The following CELF2 variants were observed in gnomAD, a reference collection of about 807,000 sequenced individuals.
CELF2 encodes CUG triplet repeat RNA-binding protein 2.
In CELF2, 8 loss-of-function variants were observed where a neutral mutation model predicts 62.6. The observed-to-expected ratio is 0.13, with a 90% CI of 0.07 to 0.23. The LOEUF is 0.23. CELF2 is among the 10% of genes least tolerant of loss of function. The pLI is 1.00. For synonymous variants in CELF2, 258 were observed against 250.0 expected (o/e 1.03, Z -0.30); for missense variants, 333 against 671.0 (o/e 0.50, Z 5.56).
intron 2 of CELF2, chr10:10,970,689 G>A (rs1302041718): frequency 6.6e-6 from 1 of 152,080 alleles, no homozygotes; most frequent in Non-Finnish European, 1.5e-5. Context: ...TCCAGATCCT[G>A]GTCTTGTAGA....
chr10:11,147,819 A>C (rs931309256), intron 1 of CELF2, among the ~76,000 whole-genome samples: 1 of 152,214 alleles, frequency 6.6e-6, no homozygotes, highest in South Asian at 2.1e-4. Flanking sequence ...TCACTTGCAA[A>C]TCCATTTTTG....
At chr10:11,254,348 C>CA (rs1466601745) in intron 4 of CELF2, among the ~76,000 whole-genome samples, 1 of 152,226 alleles carries the variant, frequency 6.6e-6, no homozygotes, top group East Asian at 1.9e-4. Flanking sequence ...TGCACACGCA[C>CA]AGGTGCGCTC....
intron 1 of CELF2, among the ~76,000 whole-genome samples, chr10:11,121,607 G>A (rs941922782): frequency 2.6e-5 from 4 of 152,152 alleles, no homozygotes; most frequent in South Asian, 4.1e-4. Context: ...AAATAGCGAC[G>A]CAGACGTTAG....
chr10:10,582,091 T>C, the CELF2 span, among the ~76,000 whole-genome samples: 1 of 152,180 alleles, frequency 6.6e-6, no homozygotes, highest in East Asian at 1.9e-4. Flanking sequence ...ATTTCCAAGA[T>C]GTCCTTGTTC....
intron 1 of CELF2, among the ~76,000 whole-genome samples, chr10:10,836,313 G>A (rs1207637060): frequency 2.0e-5 from 3 of 152,132 alleles, no homozygotes; most frequent in African/African-American, 4.8e-5. Flanking sequence ...GAGAGAGAAG[G>A]GGAAGATCCA....
intron 2 of CELF2, among the ~76,000 whole-genome samples, chr10:11,182,777 T>C (rs2073826136): frequency 6.6e-6 from 1 of 152,228 alleles, no homozygotes; most frequent in African/African-American, 2.4e-5. Flanking sequence ...CCCTGTTGTG[T>C]TAATGGAACA....
At chr10:10,566,329 G>T in the CELF2 span, among the ~76,000 whole-genome samples, 1 of 151,342 alleles carries the variant, frequency 6.6e-6, no homozygotes, top group African/African-American at 2.4e-5. Context: ...TAGTGTCCCA[G>T]TTGCCAGTGA....
At chr10:11,119,964 A>G (rs2144072022) in intron 1 of CELF2, among the ~76,000 whole-genome samples, 1 of 149,162 alleles carries the variant, frequency 6.7e-6, no homozygotes, top group African/African-American at 2.5e-5. Context: ...ATAATCACAT[A>G]TAATTGTGCA....
chr10:11,293,801 T>G (rs1055782456), intron 9 of CELF2, among the ~76,000 whole-genome samples: 10 of 152,188 alleles, frequency 6.6e-5, no homozygotes, highest in African/African-American at 1.7e-4. Context: ...TTGTTTGTTT[T>G]TTTTTAAATT....
chr10:11,105,613 G>A (rs1391326075), intron 1 of CELF2: 1 of 152,228 alleles, frequency 6.6e-6, no homozygotes, highest in Non-Finnish European at 1.5e-5. Context: ...ATTTTGGGTT[G>A]CGTATACCTA....
the CELF2 span, among the ~76,000 whole-genome samples, chr10:10,666,582 G>GTTTAA: frequency 7.4e-6 from 1 of 135,780 alleles, no homozygotes; most frequent in African/African-American, 2.9e-5. Flanking sequence ...TAAGAAAGAG[G>GTTTAA]CCGGGCGCGG....
At chr10:11,066,264 T>C (rs2068130910) in intron 1 of CELF2, among the ~76,000 whole-genome samples, 1 of 152,154 alleles carries the variant, frequency 6.6e-6, no homozygotes, top group South Asian at 2.1e-4. Flanking sequence ...ATTTCATCTC[T>C]TTTCTGGAAC....
intron 1 of CELF2, among the ~76,000 whole-genome samples, chr10:11,104,016 C>G (rs2052637759): frequency 6.6e-6 from 1 of 152,074 alleles, no homozygotes; most frequent in Admixed American, 6.5e-5. Context: ...AGCATGAAAA[C>G]TATTTATTTA....
At chr10:10,812,691 G>A (rs554982802) in intron 1 of CELF2, among the ~76,000 whole-genome samples, 34 of 152,280 alleles carry the variant, frequency 2.2e-4, no homozygotes, top group Middle Eastern at 3.4e-3. Flanking sequence ...CCACCCTCAG[G>A]TGGAAGTAAG....
At chr10:11,192,113 A>C (rs2076411556) in intron 2 of CELF2, among the ~76,000 whole-genome samples, 1 of 152,166 alleles carries the variant, frequency 6.6e-6, no homozygotes, top group Non-Finnish European at 1.5e-5. Flanking sequence ...TCAGCTGTGC[A>C]CCCCTACAGG....
chr10:11,143,591 C>T (rs182291674), intron 1 of CELF2, among the ~76,000 whole-genome samples: 2 of 152,326 alleles, frequency 1.3e-5, no homozygotes, highest in African/African-American at 2.4e-5. Flanking sequence ...CCATTGCTTT[C>T]CTCTTCCCTT....
chr10:10,906,632 C>T (rs2063356884), intron 1 of CELF2, among the ~76,000 whole-genome samples: 1 of 151,600 alleles, frequency 6.6e-6, no homozygotes, highest in Admixed American at 6.6e-5. Context: ...TAAAAATATA[C>T]AGTAAATAAA....
intron 1 of CELF2, among the ~76,000 whole-genome samples, chr10:11,096,145 T>A (rs2049820488): frequency 6.6e-6 from 1 of 152,252 alleles, no homozygotes; most frequent in African/African-American, 2.4e-5. Flanking sequence ...ATGCATTTAC[T>A]TCTACCTCTG....
chr10:11,317,277 G>C (rs1565953118), intron 10 of CELF2: 1 of 151,890 alleles, frequency 6.6e-6, no homozygotes, highest in South Asian at 2.1e-4. Context: ...ATATTTTCGT[G>C]GCTTGGCACT....
Sources: gnomAD v4.1 joint callset for allele counts (sites outside exome capture counted in the v4.1 genomes callset) on GRCh38, gnomAD v4.1.1 for gene constraint, MANE v1.5 for transcripts, NCBI Gene and HGNC (gene_info 2026-07-23, HGNC 2026-07-21) for gene names.